Variants in RTL9 observed in about 807,000 individuals in gnomAD.
The protein encoded by RTL9 is retrotransposon Gag like 9.
Under a neutral mutation model 44.7 loss-of-function variants are expected in RTL9, and 19 were observed. The observed-to-expected ratio is 0.42, with a 90% confidence interval of 0.30 to 0.62. The LOEUF is 0.62. Ranked by LOEUF, RTL9 falls within the 20% of genes least tolerant of loss-of-function variation. The pLI, the probability that RTL9 is intolerant of heterozygous loss-of-function variation, is 0.16. For missense variants in RTL9, 1,105 were observed against 1,080.6 expected, an observed-to-expected ratio of 1.02 and a Z score of -0.32; for synonymous variants, 407 against 398.9, an observed-to-expected ratio of 1.02 and a Z score of -0.24.
intron 1 of RTL9, among the ~76,000 whole-genome samples, chrX:110,403,556 A>G (rs1290218786): frequency 9.0e-6 from 1 of 111,470 alleles, no homozygotes; most frequent in Non-Finnish European, 1.9e-5. Context: ...CATTAGAGAC[A>G]CAGGCTCTGC....
intron 1 of RTL9, among the ~76,000 whole-genome samples, chrX:110,387,772 T>C (rs989096718): frequency 9.9e-5 from 11 of 111,426 alleles, no homozygotes; most frequent in Non-Finnish European, 1.7e-4. Context: ...TGGATGCATA[T>C]TGTTTAGTAG....
At chrX:110,425,975 TGCGC>T (rs1182174901) in intron 1 of RTL9, among the ~76,000 whole-genome samples, 3 of 109,991 alleles carry the variant, frequency 2.7e-5, no homozygotes, top group Non-Finnish European at 5.7e-5. Context: ...AGTGCGTGCG[TGCGC>T]GCACACACAC....
chrX:110,414,285 G>A (rs2068661875), upstream of RTL9, among the ~76,000 whole-genome samples: 1 of 112,379 alleles, frequency 8.9e-6, no homozygotes, highest in South Asian at 3.7e-4. Flanking sequence ...CTAAGTAACT[G>A]TCCTGACAAT....
In RTL9 at chrX:110,454,526, G is replaced by GTCTC; in HGVS notation, c.3911_3914dup (p.Tyr1306SerfsTer9). 1 of 1,212,000 alleles carries GTCTC rather than the reference G, an allele frequency of 8.3e-7. No individual in the cohort carries two copies. The highest frequency in any genetic ancestry group is 1.8e-5 in the South Asian group (1 of 56,994). On this transcript the variant is annotated frameshift_variant, in exon 1 of 2. Coordinates refer to ENST00000540313, the Ensembl canonical transcript of RTL9. LOFTEE classifies it high-confidence loss of function. Reference sequence around the variant, plus strand: ...GCAGCCTAAAGGAGCTGATAGACAGGTCTCTGTACACCGAGTGCCAGCTGG... The same window carrying GTCTC: ...GCAGCCTAAAGGAGCTGATAGACAGGTCTCTCTCTGTACACCGAGTGCCAGCTGG...
upstream of RTL9, among the ~76,000 whole-genome samples, chrX:110,446,983 A>C (rs1315872230): frequency 9.9e-5 from 11 of 110,872 alleles, no homozygotes; most frequent in Non-Finnish European, 1.1e-4. Context: ...GTGTCAAATG[A>C]GATCATATAG....
intron 1 of RTL9, among the ~76,000 whole-genome samples, chrX:110,375,332 T>C (rs142870652): frequency 0.026 from 2,886 of 111,850 alleles, 91 homozygotes; most frequent in African/African-American, 0.089. Context: ...CAGGAAACTT[T>C]AGTTCTAGTC....
intron 1 of RTL9, among the ~76,000 whole-genome samples, chrX:110,425,547 T>A (rs745997843): frequency 8.8e-6 from 1 of 113,232 alleles, no homozygotes; most frequent in African/African-American, 3.2e-5. Context: ...CTTCTTCTAA[T>A]GACCTAGTTA....
intron 1 of RTL9, among the ~76,000 whole-genome samples, chrX:110,396,759 T>G (rs1261232851): frequency 8.9e-6 from 1 of 112,131 alleles, no homozygotes; most frequent in Non-Finnish European, 1.9e-5. Flanking sequence ...TGTGGCTGGG[T>G]CTATACAGCC....
upstream of RTL9, among the ~76,000 whole-genome samples, chrX:110,446,272 AT>A (rs1436387680): frequency 2.7e-5 from 3 of 111,652 alleles, no homozygotes. Context: ...CTAAGAATAT[AT>A]TCCTAGATTA....
At chrX:110,426,189 G>A (rs1354345571) in intron 1 of RTL9, among the ~76,000 whole-genome samples, 1 of 112,501 alleles carries the variant, frequency 8.9e-6, no homozygotes, top group Non-Finnish European at 1.9e-5. Context: ...TGTTTCAAAT[G>A]AGAATGTGTC....
At chrX:110,388,630 C>A (rs2068474233) in intron 1 of RTL9, among the ~76,000 whole-genome samples, 1 of 112,264 alleles carries the variant, frequency 8.9e-6, no homozygotes. Flanking sequence ...CATCAAAAGC[C>A]CCTGGAGGGC....
chrX:110,408,693 A>G (rs1179226938), intron 1 of RTL9, among the ~76,000 whole-genome samples: 2 of 112,315 alleles, frequency 1.8e-5, no homozygotes, highest in African/African-American at 6.5e-5. Flanking sequence ...TGCTTTTGGA[A>G]TTAATCAATA....
At chrX:110,390,579 ATCC>A (rs1307852888) in intron 1 of RTL9, among the ~76,000 whole-genome samples, 1 of 111,361 alleles carries the variant, frequency 9.0e-6, no homozygotes, top group African/African-American at 3.3e-5. Flanking sequence ...ACTACTGTAG[ATCC>A]AAAAAACAGA....
At position 110,373,581 on chromosome X, in the gene RTL9, T is replaced by A. The variant is rs758274833; in HGVS notation, c.-168+14665T>A. ...CATGAGGAAATTGACTGGAATGAGT[T>A]AGTTGGTATATACAAGAAATGGGAG... On this transcript the variant is annotated intron_variant, in intron 1 of 2. Transcript: ENST00000520821. Among the ~76,000 whole-genome samples, 7 of 112,304 alleles carry A rather than the reference T, an allele frequency of 6.2e-5. No individual in the cohort carries two copies. In the South Asian group the frequency reaches 2.6e-3, roughly 41 times the overall value.
At position 110,452,086 on chromosome X, in the gene RTL9, G is replaced by C. The variant is rs776026057; in HGVS notation, c.1469G>C (p.Arg490Thr). The change falls in exon 1 of 2, where the codon AGA becomes ACA. Residue 490 changes from arginine to threonine, a missense_variant. Transcript: ENST00000540313. Reference sequence around the variant, plus strand: ...AAAGCCGTGGCAAAACAATACAAGAGAGCCACAGCCTCTGGAAAGATGTCC... The same window carrying C: ...AAAGCCGTGGCAAAACAATACAAGACAGCCACAGCCTCTGGAAAGATGTCC... The C allele has an allele frequency of 3.1e-5, 37 of 1,209,905 alleles. No homozygotes were observed. The highest frequency in any genetic ancestry group is 1.1e-4 in the Admixed American group (5 of 45,840).
chrX:110,403,197 C>G, intron 1 of RTL9, among the ~76,000 whole-genome samples: 1 of 112,020 alleles, frequency 8.9e-6, no homozygotes, highest in Non-Finnish European at 1.9e-5. Flanking sequence ...GTGACACCCC[C>G]CAGCCCCAGG....
rs191418813 is a variant in RTL9, at chrX:110,393,602, C to T, written c.-168+34686C>T. 5.3e-5 allele frequency among the ~76,000 whole-genome samples: 6 copies of T among 112,308 alleles called. No individual in the cohort carries two copies. In the East Asian group the frequency reaches 1.7e-3, roughly 32 times the overall value. On this transcript the variant is annotated intron_variant, in intron 1 of 2. Transcript: ENST00000520821. ...CTGGTGCCTCTAAAAGTTTCTTCTT[C>T]TAGGGTTCATCCCTCTTCTCTCTTC... is the stretch of plus-strand genomic sequence containing the variant.
intron 1 of RTL9, among the ~76,000 whole-genome samples, chrX:110,363,391 G>A (rs1455201329): frequency 2.7e-5 from 3 of 111,682 alleles, no homozygotes; most frequent in Non-Finnish European, 5.7e-5. Flanking sequence ...AAAAGAAATT[G>A]CCCACTGTAG....
At chrX:110,373,955 G>A (rs944892747) in intron 1 of RTL9, among the ~76,000 whole-genome samples, 1 of 111,509 alleles carries the variant, frequency 9.0e-6, no homozygotes, top group Admixed American at 9.5e-5. Flanking sequence ...AAATAGAGCC[G>A]AGATAATCAT....
Sources: gnomAD v4.1 joint callset for allele counts (sites outside exome capture counted in the v4.1 genomes callset) on GRCh38, gnomAD v4.1.1 for gene constraint, MANE v1.5 for transcripts, NCBI Gene and HGNC (gene_info 2026-07-23, HGNC 2026-07-21) for gene names.